ZNF578: variants seen among roughly 807,000 people sequenced by gnomAD.
The protein encoded by ZNF578 is zinc finger protein 578.
A neutral mutation model predicts 8.3 loss-of-function variants in ZNF578; 8 were observed. The ratio of observed to expected loss-of-function variants is 0.96; its 90% CI spans 0.56 to 1.74. The LOEUF is 1.74. ZNF578 is among the 40% of genes most tolerant of loss of function. ZNF578 has a pLI of 0.00. For synonymous variants in ZNF578, 206 were observed against 232.2 expected (o/e 0.89, Z 1.03); for missense variants, 726 against 707.5 (o/e 1.03, Z -0.30).
At position 52,512,941 on chromosome 19, in the gene ZNF578, A is replaced by G. The variant is rs2059455199; in HGVS notation, c.*787A>G. Among the ~76,000 whole-genome samples the G allele has an allele frequency of 6.6e-6, 1 of 152,198 alleles. No homozygotes were observed. Among genetic ancestry groups the G allele is most frequent in the African/African-American group, 2.4e-5 (1 of 41,452 alleles). The stretch of plus-strand genomic sequence containing the variant: ...ACGCCTGTAATCCCAGCACATTGGG[A>G]GGCCAAGGCACATAGGTCACTTGAG... On this transcript the variant is annotated 3_prime_UTR_variant, in exon 6 of 6. Coordinates refer to ENST00000421239, the MANE Select transcript of ZNF578 (RefSeq NM_001099694.2).
chr19:52,478,823 C>T (rs2059316077), intron 2 of ZNF578, among the ~76,000 whole-genome samples: 1 of 152,038 alleles, frequency 6.6e-6, no homozygotes, highest in African/African-American at 2.4e-5. Context: ...AAGCAATTCT[C>T]CTGCTTCAGC....
intron 3 of ZNF578, among the ~76,000 whole-genome samples, chr19:52,498,153 T>TTTTG (rs771074709): frequency 1.3e-5 from 2 of 152,054 alleles, no homozygotes; most frequent in Admixed American, 6.6e-5. Context: ...GTCCTGGAAT[T>TTTTG]TTTGTTTGTT....
At chr19:52,486,081 T>C (rs1265931102) in intron 2 of ZNF578, among the ~76,000 whole-genome samples, 1 of 152,214 alleles carries the variant, frequency 6.6e-6, no homozygotes, top group Non-Finnish European at 1.5e-5. Flanking sequence ...CCCGATTGTA[T>C]GTTCTATTCA....
intron 2 of ZNF578, among the ~76,000 whole-genome samples, chr19:52,465,064 A>G (rs896280507): frequency 2.0e-5 from 3 of 152,202 alleles, no homozygotes; most frequent in African/African-American, 7.2e-5. Flanking sequence ...GGGAATTCCA[A>G]GGAAAGTGGG....
At chr19:52,476,736 A>G (rs1413849395) in intron 2 of ZNF578, among the ~76,000 whole-genome samples, 2 of 152,204 alleles carry the variant, frequency 1.3e-5, no homozygotes, top group African/African-American at 4.8e-5. Context: ...CACTCTGTCA[A>G]ACACTTTGAA....
chr19:52,483,555 G>T (rs2122851513), intron 2 of ZNF578, among the ~76,000 whole-genome samples: 1 of 152,302 alleles, frequency 6.6e-6, no homozygotes, highest in East Asian at 1.9e-4. Context: ...ATCCCTTTTG[G>T]CCAATATAAA....
chr19:52,512,220 G>A lies in ZNF578; in HGVS notation c.*66G>A, dbSNP rs1237196132. On this transcript the variant is annotated 3_prime_UTR_variant, in exon 6 of 6. Transcript: ENST00000421239. ...GACAAAGTTTTCAGTCACAGATCAC[G>A]CCTTAAAAGACATAGGAGAATTCAT... 2.2e-5 allele frequency: 35 copies of A among 1,599,760 alleles called. No individual in the cohort carries two copies. In the Admixed American group the frequency reaches 2.9e-4, roughly 13 times the overall value.
At chr19:52,505,731 C>T (rs2059423426) in intron 5 of ZNF578, among the ~76,000 whole-genome samples, 1 of 151,916 alleles carries the variant, frequency 6.6e-6, no homozygotes. Flanking sequence ...GCCCATTGTT[C>T]ATTTTTGACA....
chr19:52,487,899 A>G (rs2059351038), intron 2 of ZNF578, among the ~76,000 whole-genome samples: 1 of 151,026 alleles, frequency 6.6e-6, no homozygotes, highest in Non-Finnish European at 1.5e-5. Flanking sequence ...GGCCTCCCAA[A>G]TTACTGGGAT....
At chr19:52,509,046 C>T (rs1440515758) in intron 5 of ZNF578, among the ~76,000 whole-genome samples, 1 of 151,722 alleles carries the variant, frequency 6.6e-6, no homozygotes, top group Non-Finnish European at 1.5e-5. Flanking sequence ...AGATAACAGG[C>T]ACCCGCCACC....
chr19:52,483,185 G>C, intron 2 of ZNF578, among the ~76,000 whole-genome samples: 1 of 152,120 alleles, frequency 6.6e-6, no homozygotes, highest in African/African-American at 2.4e-5. Context: ...GAAGGCTGAT[G>C]CAGGCAAATC....
At chr19:52,495,561 A>G (rs551272374) in intron 3 of ZNF578, among the ~76,000 whole-genome samples, 4 of 152,138 alleles carry the variant, frequency 2.6e-5, no homozygotes, top group African/African-American at 4.8e-5. Flanking sequence ...AAAAAGGGCT[A>G]TGTATAAAAT....
intron 2 of ZNF578, among the ~76,000 whole-genome samples, chr19:52,468,217 T>C (rs324117): frequency 0.95 from 144,740 of 152,268 alleles, 69,063 homozygotes; most frequent in African/African-American, 0.98. Context: ...ATGACATTTC[T>C]GTAGCTTTTG....
At chr19:52,481,852 TC>T (rs1341307360) in intron 2 of ZNF578, among the ~76,000 whole-genome samples, 21 of 152,192 alleles carry the variant, frequency 1.4e-4, no homozygotes, top group Admixed American at 1.2e-3. Context: ...TACTTCAGCC[TC>T]CCGAGTAGCT....
intron 2 of ZNF578, among the ~76,000 whole-genome samples, chr19:52,465,200 TC>T (rs746968235): frequency 6.6e-6 from 1 of 151,688 alleles, no homozygotes; most frequent in Non-Finnish European, 1.5e-5. Context: ...AATTGCCCCC[TC>T]CCCATAATGA....
At chr19:52,482,974 G>A (rs572073185) in intron 2 of ZNF578, among the ~76,000 whole-genome samples, 10 of 151,776 alleles carry the variant, frequency 6.6e-5, no homozygotes, top group African/African-American at 2.4e-4. Flanking sequence ...GCCAAGGATG[G>A]TGGCATGCAT....
intron 2 of ZNF578, chr19:52,475,275 A>T (rs2122817971): frequency 4.6e-6 from 1 of 217,012 alleles, no homozygotes; most frequent in South Asian, 8.1e-5. Context: ...AGCAATGGAG[A>T]ATCAAAAAAA....
intron 5 of ZNF578, among the ~76,000 whole-genome samples, chr19:52,508,902 T>TC (rs1476150481): frequency 7.2e-6 from 1 of 138,584 alleles, no homozygotes; most frequent in Non-Finnish European, 1.6e-5. Context: ...AATTTTTTTT[T>TC]TTTTTTTTTT....
rs151326098 is a variant in ZNF578 at position 52,499,766 on chromosome 19, A to C, written c.-19-2061A>C. Reference sequence around the variant, plus strand: ...AATGCCATGATATCAGCTCACTGCAACCTCTGTCTCCTGGGATCAAGGGAT... The same window carrying C: ...AATGCCATGATATCAGCTCACTGCACCCTCTGTCTCCTGGGATCAAGGGAT... On this transcript the variant is annotated intron_variant, in intron 3 of 5. Transcript: ENST00000421239. Among the ~76,000 whole-genome samples the C allele has an allele frequency of 1.3e-4, 20 of 149,744 alleles. No individual in the cohort carries two copies. The East Asian group carries it at 3.9e-3, about 29-fold the overall frequency.
Sources: allele counts gnomAD v4.1 joint callset (sites outside exome capture counted in the v4.1 genomes callset), GRCh38; gene constraint gnomAD v4.1.1; transcripts MANE v1.5; gene names NCBI Gene and HGNC (gene_info 2026-07-23, HGNC 2026-07-21).